PCLO: variants seen among roughly 807,000 people sequenced by gnomAD.
PCLO encodes the protein protein piccolo.
A neutral mutation model predicts 427.5 loss-of-function variants in PCLO; 82 were observed. That is an observed-to-expected ratio of 0.19 (90% CI 0.16 to 0.23). The LOEUF is 0.23. Ranked by LOEUF, PCLO falls within the 10% of genes least tolerant of loss-of-function variation. The probability of loss-of-function intolerance (pLI) is 1.00; values close to 1 mark genes in which losing one functional copy is unlikely to be tolerated. For missense variants in PCLO, 6,239 were observed against 6,115.9 expected (o/e 1.02, Z -0.67); for synonymous variants, 2,357 against 2,155.4 (o/e 1.09, Z -2.59).
At chr7:82,855,402 A>T (rs562896417) in intron 10 of PCLO, among the ~76,000 whole-genome samples, 21 of 152,290 alleles carry the variant, frequency 1.4e-4, no homozygotes, top group African/African-American at 5.1e-4. Flanking sequence ...TAAATAAAAA[A>T]ACTAATTCAA....
chr7:83,084,035 G>C (rs948882109), intron 3 of PCLO, among the ~76,000 whole-genome samples: 2 of 152,076 alleles, frequency 1.3e-5, no homozygotes, highest in African/African-American at 2.4e-5. Context: ...GAAGATGAAG[G>C]CTGGATGAAG....
At chr7:82,850,363 G>A (rs773076554) in intron 10 of PCLO, among the ~76,000 whole-genome samples, 2 of 152,030 alleles carry the variant, frequency 1.3e-5, no homozygotes, top group Non-Finnish European at 2.9e-5. Flanking sequence ...TGAATATGTA[G>A]CATCGATGAT....
At chr7:83,025,990 C>T (rs202046156) in intron 3 of PCLO, among the ~76,000 whole-genome samples, 3,212 of 152,096 alleles carry the variant, frequency 0.021, 105 homozygotes, top group African/African-American at 0.07. Context: ...GTACCAGCCG[C>T]GGCAAAATCA....
chr7:82,788,324 T>TA (rs1372166238), intron 22 of PCLO, among the ~76,000 whole-genome samples: 1 of 149,242 alleles, frequency 6.7e-6, no homozygotes, highest in Non-Finnish European at 1.5e-5. Context: ...TAATCTGATT[T>TA]AAAAAGCATT....
At position 82,915,660 on chromosome 7, in the gene PCLO, T is replaced by C; in HGVS notation, c.12326A>G (p.Lys4109Arg). 1 of 1,613,350 alleles carries C rather than the reference T, an allele frequency of 6.2e-7. No homozygotes were observed. The highest frequency in any genetic ancestry group is 2.2e-5 in the East Asian group (1 of 44,686). Residue 4109 changes from lysine to arginine, a missense_variant, in exon 7 of 25, where the codon AAG becomes AGG. Lys to Arg is a conservative substitution (Grantham distance 26). Coordinates refer to ENST00000333891, the MANE Select transcript of PCLO (RefSeq NM_033026.6). ...QSSSRLHSYV[K>R]AEEDPMEDPY... ...ATCCTCCATTGGGTCTTCCTCCGCC[T>C]TCACATAACTATGCAATCTAGAGGA...
chr7:82,823,631 C>A (rs1400805301), intron 19 of PCLO, among the ~76,000 whole-genome samples: 1 of 152,010 alleles, frequency 6.6e-6, no homozygotes, highest in African/African-American at 2.4e-5. Context: ...TATTGCCAAA[C>A]CCAATGTATG....
At chr7:82,838,425 G>T (rs1792283494) in intron 14 of PCLO, 83 bp from the exon 15 acceptor site, 2 of 790,030 alleles carry the variant, frequency 2.5e-6, no homozygotes, top group South Asian at 2.3e-5. Flanking sequence ...TTTTTTTAAA[G>T]AAAATTCTTA....
chr7:82,800,435 C>T (rs1791322436), intron 22 of PCLO, among the ~76,000 whole-genome samples: 2 of 151,946 alleles, frequency 1.3e-5, no homozygotes, highest in Admixed American at 6.6e-5. Context: ...CTTCAGTTTC[C>T]TTTTATATAA....
intron 3 of PCLO, among the ~76,000 whole-genome samples, chr7:83,063,172 T>C (rs1003091849): frequency 6.6e-6 from 1 of 152,018 alleles, no homozygotes; most frequent in African/African-American, 2.4e-5. Flanking sequence ...TTGGAAGAAA[T>C]TGAATAAAAT....
chr7:83,114,891 A>T (rs1791094012), intron 3 of PCLO, among the ~76,000 whole-genome samples: 1 of 151,988 alleles, frequency 6.6e-6, no homozygotes, highest in African/African-American at 2.4e-5. Flanking sequence ...GACACTATTC[A>T]CTTCTATTTA....
At chr7:82,995,763 T>C (rs1043227713) in intron 3 of PCLO, among the ~76,000 whole-genome samples, 2 of 151,954 alleles carry the variant, frequency 1.3e-5, no homozygotes, top group African/African-American at 2.4e-5. Context: ...GTAATGATAA[T>C]AGTACTTATC....
intron 3 of PCLO, among the ~76,000 whole-genome samples, chr7:83,101,097 A>AT (rs1243332086): frequency 4.0e-5 from 6 of 151,858 alleles, no homozygotes; most frequent in Non-Finnish European, 5.9e-5. Context: ...TTAACAATAG[A>AT]TTTTTCCAGT....
At chr7:82,867,798 T>G (rs986512730) in intron 10 of PCLO, among the ~76,000 whole-genome samples, 3 of 152,152 alleles carry the variant, frequency 2.0e-5, no homozygotes, top group Non-Finnish European at 4.4e-5. Flanking sequence ...GATTATAATG[T>G]AAGCATAATT....
intron 6 of PCLO, among the ~76,000 whole-genome samples, chr7:82,925,192 A>T (rs1367441352): frequency 1.3e-5 from 2 of 152,310 alleles, no homozygotes; most frequent in Non-Finnish European, 2.9e-5. Flanking sequence ...TGTAAAAATC[A>T]TCTAAAAAGA....
intron 3 of PCLO, among the ~76,000 whole-genome samples, chr7:83,071,351 T>C (rs1583984077): frequency 6.6e-6 from 1 of 152,240 alleles, no homozygotes; most frequent in Non-Finnish European, 1.5e-5. Flanking sequence ...TCTTCTTATA[T>C]GCGGTACTAT....
intron 24 of PCLO, among the ~76,000 whole-genome samples, chr7:82,759,779 C>T (rs1478184126): frequency 6.6e-6 from 1 of 151,610 alleles, no homozygotes; most frequent in Admixed American, 6.6e-5. Context: ...TATTCCTTGT[C>T]TCTATATCTA....
chr7:82,829,851 A>G (rs890567711), intron 16 of PCLO, among the ~76,000 whole-genome samples: 1 of 152,052 alleles, frequency 6.6e-6, no homozygotes, highest in Non-Finnish European at 1.5e-5. Flanking sequence ...GAATAAATAC[A>G]TTGTGATATA....
intron 3 of PCLO, among the ~76,000 whole-genome samples, chr7:82,966,982 T>A (rs1795790775): frequency 6.6e-6 from 1 of 152,144 alleles, no homozygotes; most frequent in Non-Finnish European, 1.5e-5. Flanking sequence ...CAAATATAGT[T>A]CTACCTTTCA....
At chr7:82,927,903 T>G (rs1305526782) in intron 6 of PCLO, among the ~76,000 whole-genome samples, 1 of 152,170 alleles carries the variant, frequency 6.6e-6, no homozygotes, top group Non-Finnish European at 1.5e-5. Context: ...TCATTTGCTG[T>G]TAGCTTCAGA....
Sources: allele counts gnomAD v4.1 joint callset (sites outside exome capture counted in the v4.1 genomes callset), GRCh38; gene constraint gnomAD v4.1.1; transcripts MANE v1.5; gene names NCBI Gene and HGNC (gene_info 2026-07-23, HGNC 2026-07-21).